NCOR2: variants seen among roughly 807,000 people sequenced by gnomAD.
NCOR2 encodes the protein nuclear receptor corepressor 2.
NCOR2 carries 81 observed loss-of-function variants against 262.9 expected under a neutral mutation model. That is an observed-to-expected ratio of 0.31 (90% CI 0.26 to 0.37). The LOEUF is 0.37. Ranked by LOEUF, NCOR2 falls within the 10% of genes least tolerant of loss-of-function variation. The pLI is 1.00. For missense variants in NCOR2, 3,385 were observed against 3,621.4 expected (o/e 0.93, Z 1.68); for synonymous variants, 1,659 against 1,559.3 (o/e 1.06, Z -1.51).
At chr12:124,404,602 C>G (rs1466698150) in intron 13 of NCOR2, among the ~76,000 whole-genome samples, 1 of 152,226 alleles carries the variant, frequency 6.6e-6, no homozygotes, top group Non-Finnish European at 1.5e-5. Context: ...AGGCCGCAGG[C>G]AGGGGCCAGT....
At chr12:124,459,346 C>T (rs960252714) in intron 5 of NCOR2, among the ~76,000 whole-genome samples, 1 of 152,132 alleles carries the variant, frequency 6.6e-6, no homozygotes, top group East Asian at 1.9e-4. Flanking sequence ...CCTCCTGTCT[C>T]TCTGGGGTGT....
intron 13 of NCOR2, among the ~76,000 whole-genome samples, chr12:124,412,276 C>T (rs185842570): frequency 1.5e-4 from 23 of 152,356 alleles, no homozygotes; most frequent in African/African-American, 5.3e-4. Context: ...TGGTACAGGG[C>T]ACATGGTGTC....
At chr12:124,410,644 G>A (rs2042525945) in intron 13 of NCOR2, among the ~76,000 whole-genome samples, 1 of 152,130 alleles carries the variant, frequency 6.6e-6, no homozygotes, top group Admixed American at 6.5e-5. Flanking sequence ...CCCTCGGCCT[G>A]GGAGCTGAAA....
upstream of NCOR2, among the ~76,000 whole-genome samples, chr12:124,540,305 A>G (rs1355470874): frequency 6.7e-6 from 1 of 149,062 alleles, no homozygotes; most frequent in Non-Finnish European, 1.5e-5. Context: ...GGTGTCCATG[A>G]GGAAGGAAAA....
upstream of NCOR2, among the ~76,000 whole-genome samples, chr12:124,540,467 AGC>A (rs1256887479): frequency 9.2e-5 from 2 of 21,794 alleles, no homozygotes; most frequent in Non-Finnish European, 8.1e-5. Flanking sequence ...GGAGGTGGAG[AGC>A]TGGAGGGGGA....
chr12:124,528,950 C>T (rs978689599), intron 1 of NCOR2, among the ~76,000 whole-genome samples: 1 of 152,140 alleles, frequency 6.6e-6, no homozygotes, highest in African/African-American at 2.4e-5. Context: ...GAGGCCGAGG[C>T]GGGCAGATCA....
chr12:124,560,733 G>A (rs1002853578), intron 1 of NCOR2, among the ~76,000 whole-genome samples: 17 of 152,274 alleles, frequency 1.1e-4, no homozygotes, highest in African/African-American at 4.1e-4. Flanking sequence ...TGACTGCCTC[G>A]GGGAACAGAA....
At chr12:124,342,176 C>A in intron 33 of NCOR2, 102 bp from the exon 36 acceptor site, 1 of 1,366,616 alleles carries the variant, frequency 7.3e-7, no homozygotes. Flanking sequence ...CGGACAGCTT[C>A]TCCCACCTAC....
At position 124,335,264 on chromosome 12, in the gene NCOR2, G is replaced by A. The variant is rs1431381379; in HGVS notation, c.6282C>T (p.Gly2094=). ...GGTGTGGGAGGTGGGCGGCCTCCCC[G>A]CCAAGCTTCACGGGGCCTGCAGGCA... is the stretch of plus-strand genomic sequence containing the variant. The change falls in exon 40 of 47, where the codon GGC becomes GGT. Residue 2094 remains glycine (G), a synonymous_variant. Transcript: ENST00000405201. 1.4e-5 allele frequency: 23 copies of A among 1,603,076 alleles called. No homozygotes were observed. Among genetic ancestry groups the A allele is most frequent in the African/African-American group, 2.7e-5 (2 of 74,734 alleles).
chr12:124,429,290 G>A, intron 10 of NCOR2: 1 of 354,778 alleles, frequency 2.8e-6, no homozygotes, highest in Non-Finnish European at 5.3e-6. Context: ...TCCAAAAGGA[G>A]GCAGGAGATG....
chr12:124,422,318 C>A (rs1487280892), intron 12 of NCOR2, among the ~76,000 whole-genome samples, 183 bp downstream of exon 14: 8 of 152,162 alleles, frequency 5.3e-5, no homozygotes, highest in Non-Finnish European at 1.2e-4. Flanking sequence ...CAGGGCGGGG[C>A]CTGCACTGAT....
chr12:124,382,649 C>T (rs892552114), intron 17 of NCOR2, among the ~76,000 whole-genome samples: 13 of 152,240 alleles, frequency 8.5e-5, no homozygotes, highest in Non-Finnish European at 1.9e-4. Flanking sequence ...CCTCCACGGT[C>T]CACTAACGAA....
At chr12:124,358,000 G>A (rs1354039637) in intron 22 of NCOR2, among the ~76,000 whole-genome samples, 2 of 151,974 alleles carry the variant, frequency 1.3e-5, no homozygotes, top group East Asian at 1.9e-4. Context: ...CCTGTGGTGT[G>A]TGTGTGTGCA....
chr12:124,326,718 A>G (rs1010575036), intron 45 of NCOR2, among the ~76,000 whole-genome samples: 9 of 152,270 alleles, frequency 5.9e-5, no homozygotes, highest in Middle Eastern at 3.4e-3. Context: ...GCGTGGCCCC[A>G]GGACCATGCT....
chr12:124,433,896 A>G lies in NCOR2; in HGVS notation c.883-3109T>C, dbSNP rs1446000642. 4.0e-3 allele frequency among the ~76,000 whole-genome samples: 492 copies of G among 124,024 alleles called. 21 individuals carry two copies. The highest frequency in any genetic ancestry group is 0.018 in the African/African-American group (450 of 24,934). The allele number at this position is 124,024 out of a possible 152,430, so 81.4% of individuals were successfully genotyped here. A position where few individuals can be genotyped will look rare whatever the true frequency, so the allele number is the denominator to read the frequency against. On this transcript the variant is annotated intron_variant, in intron 8 of 46. Coordinates refer to ENST00000405201, the Ensembl canonical transcript of NCOR2. ...CACACACACACACACACACACACAC[A>G]CACGCACACACACACACAGGGAAAG...
Position 124,389,765 on chromosome 12 carries a change from G to C in NCOR2, c.1877-3878C>G, listed in dbSNP as rs1281290190. 6.6e-6 allele frequency among the ~76,000 whole-genome samples: 1 copy of C among 152,208 alleles called. No homozygotes were observed. Among genetic ancestry groups the C allele is most frequent in the Non-Finnish European group, 1.5e-5 (1 of 68,026 alleles). Reference sequence around the variant, plus strand: ...CATTTAGGGGAGGGGGAAGGGTTTGGGGATTTGGGGTCCCCAAAGAGCCCT... The same window carrying C: ...CATTTAGGGGAGGGGGAAGGGTTTGCGGATTTGGGGTCCCCAAAGAGCCCT... On this transcript the variant is annotated intron_variant, in intron 16 of 46. Transcript: ENST00000405201. This position sits in a 1 kb window ranked among gnomAD's most constrained non-coding sequence, Gnocchi z 4.4.
chr12:124,438,720 CAG>C (rs1335949803), intron 7 of NCOR2, among the ~76,000 whole-genome samples: 1 of 148,398 alleles, frequency 6.7e-6, no homozygotes, highest in Non-Finnish European at 1.5e-5. Context: ...GACAGAGACC[CAG>C]AGAGACAGGG....
At chr12:124,494,734 G>A (rs2048287121) in intron 1 of NCOR2, among the ~76,000 whole-genome samples, 1 of 152,164 alleles carries the variant, frequency 6.6e-6, no homozygotes, top group African/African-American at 2.4e-5. Context: ...GGACAGGAAG[G>A]AAGGGGAGCT....
intron 16 of NCOR2, chr12:124,388,828 G>C: frequency 7.7e-7 from 1 of 1,291,590 alleles, no homozygotes; most frequent in Non-Finnish European, 1.0e-6. Flanking sequence ...GTCTGCTGGC[G>C]GCTCAGCTCA....
Sources: allele counts gnomAD v4.1 joint callset (sites outside exome capture counted in the v4.1 genomes callset), GRCh38; gene constraint gnomAD v4.1.1; non-coding constraint Gnocchi (gnomAD v3.1); transcripts MANE v1.5; gene names NCBI Gene and HGNC (gene_info 2026-07-23, HGNC 2026-07-21).